NBEAL1: variants seen among roughly 807,000 people sequenced by gnomAD.
NBEAL1 encodes neurobeachin like 1.
A neutral mutation model predicts 351.3 loss-of-function variants in NBEAL1; 273 were observed. The ratio of observed to expected loss-of-function variants is 0.78; its 90% CI spans 0.70 to 0.86. The LOEUF (loss-of-function observed/expected upper bound fraction) is 0.86, where lower values mean the gene tolerates loss of function less well. Among genes scored for constraint, NBEAL1 ranks in the 40% least tolerant of loss-of-function variants. NBEAL1 has a pLI of 0.00. For synonymous variants in NBEAL1, 1,050 were observed against 1,086.4 expected (o/e 0.97, Z 0.66); for missense variants, 2,961 against 3,201.3 (o/e 0.92, Z 1.81).
At chr2:203,029,204 G>T (rs2060909631) in intron 2 of NBEAL1, among the ~76,000 whole-genome samples, 1 of 152,060 alleles carries the variant, frequency 6.6e-6, no homozygotes, top group Non-Finnish European at 1.5e-5. Flanking sequence ...TGGCCAGGCT[G>T]GTCTCAAACT....
chr2:203,054,936 G>C (rs1486543761), intron 4 of NBEAL1, among the ~76,000 whole-genome samples: 1 of 152,060 alleles, frequency 6.6e-6, no homozygotes, highest in Non-Finnish European at 1.5e-5. Context: ...CTGAATTCTA[G>C]TTTTTGTCCC....
intron 36 of NBEAL1, among the ~76,000 whole-genome samples, chr2:203,160,761 C>A (rs1199631570): frequency 2.0e-5 from 3 of 152,112 alleles, no homozygotes; most frequent in African/African-American, 4.8e-5. Context: ...CTGTTTTAAC[C>A]GGCTGTGTGT....
At chr2:203,066,158 A>C (rs1574920775) in intron 6 of NBEAL1, among the ~76,000 whole-genome samples, 1 of 152,326 alleles carries the variant, frequency 6.6e-6, no homozygotes, top group East Asian at 1.9e-4. Flanking sequence ...CAAATTGTAG[A>C]AGTACATTTT....
rs1408742004 is a variant in NBEAL1 at position 203,224,774 on chromosome 2, G to C, written c.*7420G>C. On this transcript the variant is annotated 3_prime_UTR_variant, in exon 56 of 56. Coordinates refer to ENST00000683969, the MANE Select transcript of NBEAL1 (RefSeq NM_001378026.1). ...TTATTTATATCTAATTATTGACTGT[G>C]CAAACTGTGACTCAGTGGATATTTG... is the stretch of plus-strand genomic sequence containing the variant. 6.6e-6 allele frequency among the ~76,000 whole-genome samples: 1 copy of C among 152,128 alleles called. No individual in the cohort carries two copies. Among genetic ancestry groups the C allele is most frequent in the Non-Finnish European group, 1.5e-5 (1 of 67,996 alleles).
intron 16 of NBEAL1, among the ~76,000 whole-genome samples, chr2:203,112,805 A>G (rs1324012879): frequency 1.3e-5 from 2 of 152,220 alleles, no homozygotes; most frequent in African/African-American, 2.4e-5. Flanking sequence ...AATGCATCCA[A>G]ATGCTATAGG....
Position 203,171,832 on chromosome 2 carries a change from T to TC in NBEAL1, c.6103-96_6103-95insC, listed in dbSNP as rs2064328458. 3 of 526,596 alleles carry TC rather than the reference T, an allele frequency of 5.7e-6. No homozygotes were observed. The East Asian group carries it at 9.6e-5, about 17-fold the overall frequency. The allele number at this position is 526,596 out of a possible 1,614,324, so 32.6% of individuals were successfully genotyped here. A position where few individuals can be genotyped will look rare whatever the true frequency, so the allele number is the denominator to read the frequency against. On this transcript the variant is annotated intron_variant, in intron 39 of 55. Transcript: ENST00000683969. The stretch of plus-strand genomic sequence containing the variant: ...ATCTCCCTGTTGTACCTTTTTTTTT[T>TC]TTTTAGCCCATTCTTGGTACTGTCA...
chr2:203,134,473 T>C (rs2063151901), intron 27 of NBEAL1, among the ~76,000 whole-genome samples: 2 of 152,192 alleles, frequency 1.3e-5, no homozygotes, highest in Admixed American at 6.6e-5. Flanking sequence ...CCTTGCCTTC[T>C]GTATCAACAT....
intron 4 of NBEAL1, among the ~76,000 whole-genome samples, chr2:203,056,158 T>G (rs757601121): frequency 1.1e-4 from 16 of 152,250 alleles, no homozygotes; most frequent in Admixed American, 4.6e-4. Flanking sequence ...GTTTCTACTT[T>G]GTGATATTTT....
chr2:203,040,506 A>C (rs931110725), intron 2 of NBEAL1: 3 of 677,636 alleles, frequency 4.4e-6, no homozygotes, highest in Non-Finnish European at 8.2e-6. Context: ...TGCTGCTTAT[A>C]GTGGAAACTT....
At chr2:203,158,790 T>A (rs2063864913) in intron 36 of NBEAL1, among the ~76,000 whole-genome samples, 1 of 151,574 alleles carries the variant, frequency 6.6e-6, no homozygotes, top group Non-Finnish European at 1.5e-5. Context: ...TTTCTCCAGT[T>A]TTTTTGTGTG....
At chr2:203,109,246 A>G (rs532593316) in intron 14 of NBEAL1, among the ~76,000 whole-genome samples, 1 of 152,242 alleles carries the variant, frequency 6.6e-6, no homozygotes, top group African/African-American at 2.4e-5. Context: ...AATCCCAGCT[A>G]CTTGGGAGGC....
At chr2:203,024,587 A>T (rs1451383765) in intron 2 of NBEAL1, among the ~76,000 whole-genome samples, 1 of 151,200 alleles carries the variant, frequency 6.6e-6, no homozygotes, top group East Asian at 1.9e-4. Flanking sequence ...AGCATTATGG[A>T]GCATGTATTG....
chr2:203,103,568 G>A (rs565857386), intron 12 of NBEAL1, among the ~76,000 whole-genome samples: 4 of 152,062 alleles, frequency 2.6e-5, no homozygotes, highest in South Asian at 2.1e-4. Flanking sequence ...CATTGTGCCC[G>A]GCCTATCTTT....
rs755555036 is a variant in NBEAL1, at chr2:203,217,839, C to T, written c.*485C>T. On this transcript the variant is annotated 3_prime_UTR_variant, in exon 56 of 56. Transcript: ENST00000683969. ...GTTGCACACTTGGATTTTCAAAACT[C>T]GGTGAAAGTTACAAGTTTGCATGGT... 6.1e-5 allele frequency: 60 copies of T among 984,928 alleles called. No homozygotes were observed. Among genetic ancestry groups the T allele is most frequent in the East Asian group, 1.1e-4 (1 of 8,824 alleles). 61.0% of individuals were successfully genotyped at this position (984,928 alleles called of 1,614,324 possible). A position where few individuals can be genotyped will look rare whatever the true frequency, so the allele number is the denominator to read the frequency against.
intron 29 of NBEAL1, among the ~76,000 whole-genome samples, chr2:203,137,767 T>G (rs55732401): frequency 0.016 from 2,485 of 152,264 alleles, 63 homozygotes; most frequent in African/African-American, 0.056. Context: ...GTGGATCACC[T>G]GAGGTCAGGA....
chr2:203,029,913 A>G (rs1046005004), intron 2 of NBEAL1, among the ~76,000 whole-genome samples: 1 of 152,128 alleles, frequency 6.6e-6, no homozygotes, highest in African/African-American at 2.4e-5. Context: ...CTATGACTTC[A>G]TCTGAGGGCA....
At chr2:203,170,708 T>G (rs1369789408) in intron 39 of NBEAL1, among the ~76,000 whole-genome samples, 1 of 152,194 alleles carries the variant, frequency 6.6e-6, no homozygotes, top group Non-Finnish European at 1.5e-5. Flanking sequence ...CAGCAATTCT[T>G]TACTATTGCC....
intron 3 of NBEAL1, among the ~76,000 whole-genome samples, chr2:203,043,442 A>G (rs974748675): frequency 1.3e-5 from 2 of 152,106 alleles, no homozygotes; most frequent in Non-Finnish European, 2.9e-5. Context: ...AAGGAGTGCC[A>G]GTTTAAGATA....
chr2:203,051,750 GA>G (rs1162833170), intron 4 of NBEAL1, among the ~76,000 whole-genome samples: 2 of 151,792 alleles, frequency 1.3e-5, no homozygotes, highest in East Asian at 1.9e-4. Context: ...TTTTTTGGTT[GA>G]AAAAAAATTT....
Sources: gnomAD v4.1 joint callset for allele counts (sites outside exome capture counted in the v4.1 genomes callset) on GRCh38, gnomAD v4.1.1 for gene constraint, MANE v1.5 for transcripts, NCBI Gene and HGNC (gene_info 2026-07-23, HGNC 2026-07-21) for gene names.